STK38L: variants seen among roughly 807,000 people sequenced by gnomAD.
STK38L encodes serine/threonine-protein kinase 38-like.
In STK38L, 28 loss-of-function variants were observed where a neutral mutation model predicts 59.7. That is an observed-to-expected ratio of 0.47 (90% CI 0.35 to 0.64). The LOEUF is 0.64. STK38L is among the 30% of genes least tolerant of loss of function. The pLI is 0.01. For missense variants in STK38L, 314 were observed against 555.8 expected, an observed-to-expected ratio of 0.56 and a Z score of 4.37; for synonymous variants, 162 against 176.8, an observed-to-expected ratio of 0.92 and a Z score of 0.66.
At chr12:27,312,405 AATACGAACATTC>A (rs1443686881) in intron 5 of STK38L, 132 bp from the exon 6 acceptor site, 2 of 850,176 alleles carry the variant, frequency 2.4e-6, no homozygotes, top group African/African-American at 3.5e-5. Flanking sequence ...ATTTGATGAG[AATACGAACATTC>A]ATACATGTAT....
chr12:27,318,788 A>C (rs9300172), intron 11 of STK38L, among the ~76,000 whole-genome samples: 1 of 151,936 alleles, frequency 6.6e-6, no homozygotes, highest in African/African-American at 2.4e-5. Context: ...TCAGGAAATC[A>C]AAACCATCCT....
chr12:27,305,610 A>G (rs979368235), intron 3 of STK38L, among the ~76,000 whole-genome samples: 5 of 152,224 alleles, frequency 3.3e-5, no homozygotes, highest in African/African-American at 4.8e-5. Context: ...TAAAGTTGCT[A>G]GCTGAACCCT....
intron 1 of STK38L, among the ~76,000 whole-genome samples, chr12:27,253,023 G>C (rs1033935739): frequency 6.6e-5 from 10 of 152,192 alleles, no homozygotes; most frequent in Non-Finnish European, 1.3e-4. Flanking sequence ...TGGGAGCAGA[G>C]GAAAGAGAGA....
At chr12:27,310,569 A>T (rs12370393) in intron 5 of STK38L, among the ~76,000 whole-genome samples, 19,240 of 115,232 alleles carry the variant, frequency 0.17, 1,661 homozygotes, top group Non-Finnish European at 0.22. Flanking sequence ...ATAAATAAAT[A>T]AATAAATAAA....
chr12:27,314,437 G>A, intron 6 of STK38L, 67 bp from the exon 7 acceptor site: 5 of 1,209,588 alleles, frequency 4.1e-6, no homozygotes, highest in East Asian at 2.8e-5. Flanking sequence ...AAGCAGGAAA[G>A]CTTTTACAAG....
At chr12:27,317,628 G>T in intron 10 of STK38L, 175 bp downstream of exon 10, 1 of 707,872 alleles carries the variant, frequency 1.4e-6, no homozygotes, top group East Asian at 2.7e-5. Flanking sequence ...CACGGATCCT[G>T]TTTCAGGAAG....
intron 1 of STK38L, among the ~76,000 whole-genome samples, chr12:27,260,011 T>G (rs1943172199): frequency 6.6e-6 from 1 of 152,218 alleles, no homozygotes; most frequent in Non-Finnish European, 1.5e-5. Flanking sequence ...AGTTTTAATC[T>G]TTTTGTTGTG....
intron 1 of STK38L, chr12:27,296,953 C>T (rs1591910231): frequency 6.6e-6 from 1 of 152,242 alleles, no homozygotes; most frequent in Non-Finnish European, 1.5e-5. Context: ...CATACATTGT[C>T]CACTTAAGGC....
At chr12:27,319,274 A>G (rs1190655309) in intron 11 of STK38L, 54 bp from the exon 12 acceptor site, 5 of 1,138,860 alleles carry the variant, frequency 4.4e-6, no homozygotes, top group Non-Finnish European at 6.5e-6. Flanking sequence ...TAATGCAGCT[A>G]GAATACTTTA....
intron 1 of STK38L, among the ~76,000 whole-genome samples, chr12:27,285,112 T>A (rs1370487770): frequency 1.3e-5 from 2 of 152,240 alleles, no homozygotes; most frequent in Non-Finnish European, 2.9e-5. Flanking sequence ...TATTTTAATT[T>A]TAGTCTTGTC....
chr12:27,255,241 A>G (rs1943067438), intron 1 of STK38L, among the ~76,000 whole-genome samples: 1 of 152,192 alleles, frequency 6.6e-6, no homozygotes. Flanking sequence ...GTAAAACTGC[A>G]TTTTCATACT....
intron 2 of STK38L, chr12:27,298,381 G>GT (rs1489229842): frequency 6.5e-6 from 1 of 152,948 alleles, no homozygotes; most frequent in African/African-American, 2.4e-5. Context: ...AGCCAAGGCT[G>GT]CAGTGAGCCA....
At chr12:27,263,699 A>G (rs1943248117) in intron 1 of STK38L, among the ~76,000 whole-genome samples, 3 of 152,350 alleles carry the variant, frequency 2.0e-5, no homozygotes, top group Admixed American at 2.0e-4. Flanking sequence ...TGGATCAGTC[A>G]ACAAGATTTG....
At chr12:27,290,608 T>C (rs1373839753) in intron 1 of STK38L, among the ~76,000 whole-genome samples, 1 of 152,252 alleles carries the variant, frequency 6.6e-6, no homozygotes, top group Admixed American at 6.5e-5. Context: ...TCACTTCTGC[T>C]ACTATCTTAA....
At chr12:27,273,256 G>A (rs1005838973) in intron 1 of STK38L, among the ~76,000 whole-genome samples, 6 of 152,046 alleles carry the variant, frequency 3.9e-5, no homozygotes, top group Admixed American at 3.9e-4. Context: ...GAATGGGAGG[G>A]GTCCTGGACT....
intron 1 of STK38L, among the ~76,000 whole-genome samples, chr12:27,293,901 G>C (rs1218095865): frequency 1.3e-5 from 2 of 152,142 alleles, no homozygotes; most frequent in African/African-American, 4.8e-5. Context: ...CTTGTAAAGT[G>C]GCAAACCACT....
chr12:27,274,233 CA>C (rs35554589), intron 1 of STK38L, among the ~76,000 whole-genome samples: 223 of 143,264 alleles, frequency 1.6e-3, no homozygotes, highest in African/African-American at 4.8e-3. Context: ...AAGACTCTGT[CA>C]AAAAAAAAAA....
chr12:27,254,461 A>G (rs1943044150), intron 1 of STK38L, among the ~76,000 whole-genome samples: 1 of 152,198 alleles, frequency 6.6e-6, no homozygotes, highest in Non-Finnish European at 1.5e-5. Context: ...GTTATTATAA[A>G]CTTTGTATGT....
At chr12:27,294,238 G>A (rs1282525107) in intron 1 of STK38L, among the ~76,000 whole-genome samples, 2 of 152,130 alleles carry the variant, frequency 1.3e-5, no homozygotes, top group Non-Finnish European at 2.9e-5. Flanking sequence ...ATGCTGGGAA[G>A]GCTAGGCAAG....
Sources: allele counts gnomAD v4.1 joint callset (sites outside exome capture counted in the v4.1 genomes callset), GRCh38; gene constraint gnomAD v4.1.1; transcripts MANE v1.5; gene names NCBI Gene and HGNC (gene_info 2026-07-23, HGNC 2026-07-21).